FAM135B: variants seen among roughly 807,000 people sequenced by gnomAD.
FAM135B encodes protein FAM135B.
In FAM135B, 43 loss-of-function variants were observed where a neutral mutation model predicts 127.7. The observed-to-expected ratio is 0.34, with a 90% CI of 0.26 to 0.43. The LOEUF (loss-of-function observed/expected upper bound fraction) is 0.43. FAM135B is among the 20% of genes least tolerant of loss of function. FAM135B has a pLI of 1.00. For synonymous variants in FAM135B, 670 were observed against 665.1 expected (o/e 1.01, Z -0.11); for missense variants, 1,558 against 1,725.6 (o/e 0.90, Z 1.72).
At chr8:138,225,503 A>C (rs1819355468) in intron 7 of FAM135B, among the ~76,000 whole-genome samples, 1 of 151,994 alleles carries the variant, frequency 6.6e-6, no homozygotes, top group African/African-American at 2.4e-5. Flanking sequence ...GAAGAAAAAG[A>C]AAAAAACTTT....
intron 7 of FAM135B, among the ~76,000 whole-genome samples, chr8:138,199,155 C>T (rs190391113): frequency 7.9e-5 from 12 of 152,216 alleles, no homozygotes; most frequent in East Asian, 1.9e-4. Flanking sequence ...CTCCTGGAGT[C>T]GACACACGTC....
At chr8:138,462,893 T>C (rs1837206126) in intron 1 of FAM135B, among the ~76,000 whole-genome samples, 1 of 152,220 alleles carries the variant, frequency 6.6e-6, no homozygotes, top group South Asian at 2.1e-4. Flanking sequence ...ACGACTTCTC[T>C]GATGTTTCTG....
intron 3 of FAM135B, among the ~76,000 whole-genome samples, chr8:138,306,305 C>T (rs967294265): frequency 3.9e-5 from 6 of 151,908 alleles, no homozygotes; most frequent in Admixed American, 1.3e-4. Flanking sequence ...CATGGTGGCA[C>T]ACACCTGTAA....
At chr8:138,349,972 T>G (rs1829668720) in intron 2 of FAM135B, among the ~76,000 whole-genome samples, 1 of 152,180 alleles carries the variant, frequency 6.6e-6, no homozygotes, top group Admixed American at 6.5e-5. Context: ...TACACACAAT[T>G]TTTTGTCCAC....
chr8:138,460,152 C>T (rs1837040210), intron 1 of FAM135B, among the ~76,000 whole-genome samples: 1 of 152,144 alleles, frequency 6.6e-6, no homozygotes. Context: ...TTATCCATTC[C>T]ACTCATTATC....
chr8:138,391,355 A>C (rs1832563861), intron 1 of FAM135B, among the ~76,000 whole-genome samples: 1 of 151,290 alleles, frequency 6.6e-6, no homozygotes, highest in Non-Finnish European at 1.5e-5. Context: ...CTCCAGCATG[A>C]TCTCCCCTCA....
chr8:138,396,784 C>T (rs1038750932), intron 1 of FAM135B, among the ~76,000 whole-genome samples: 3 of 152,118 alleles, frequency 2.0e-5, no homozygotes, highest in Non-Finnish European at 4.4e-5. Flanking sequence ...CCCATCTCCC[C>T]ACGCACAGAG....
intron 7 of FAM135B, among the ~76,000 whole-genome samples, chr8:138,216,402 A>C (rs1001544488): frequency 2.6e-5 from 4 of 152,108 alleles, no homozygotes; most frequent in African/African-American, 9.7e-5. Context: ...TTATAGCATG[A>C]AGGCAGACAT....
At chr8:138,406,712 G>A (rs188942900) in intron 1 of FAM135B, among the ~76,000 whole-genome samples, 12 of 150,258 alleles carry the variant, frequency 8.0e-5, no homozygotes, top group East Asian at 5.9e-4. Flanking sequence ...TTCAACAACC[G>A]TTCATGCTAA....
intron 11 of FAM135B, among the ~76,000 whole-genome samples, chr8:138,169,950 A>G (rs1820281841): frequency 6.6e-6 from 1 of 152,200 alleles, no homozygotes; most frequent in African/African-American, 2.4e-5. Flanking sequence ...AAGTGTTGAA[A>G]AACTGACTGA....
rs1028082378 is a variant in FAM135B at position 138,478,658 on chromosome 8, G to A, written c.-20+18013C>T. On this transcript the variant is annotated intron_variant, in intron 1 of 19. Transcript: ENST00000395297. The stretch of plus-strand genomic sequence containing the variant: ...TGGTGACCCTGATCTCTAACTCTAC[G>A]GATAAAATTGGGATGGCACTAGGTT... Among the ~76,000 whole-genome samples the A allele has an allele frequency of 2.6e-5, 4 of 152,166 alleles. No individual in the cohort carries two copies. In the East Asian group the frequency reaches 7.7e-4, roughly 29 times the overall value.
intron 2 of FAM135B, among the ~76,000 whole-genome samples, chr8:138,347,877 A>G (rs1250086100): frequency 6.6e-6 from 1 of 152,120 alleles, no homozygotes; most frequent in Non-Finnish European, 1.5e-5. Flanking sequence ...CTTACCTACA[A>G]AACGGAGGTA....
At chr8:138,392,015 C>A (rs1350207747) in intron 1 of FAM135B, among the ~76,000 whole-genome samples, 1 of 152,172 alleles carries the variant, frequency 6.6e-6, no homozygotes, top group Non-Finnish European at 1.5e-5. Flanking sequence ...GCACCTAGCT[C>A]ATGAGGTAGG....
intron 10 of FAM135B, among the ~76,000 whole-genome samples, 170 bp from the exon 11 acceptor site, chr8:138,177,590 A>ATC (rs1286268032): frequency 2.0e-5 from 3 of 152,106 alleles, no homozygotes; most frequent in African/African-American, 7.2e-5. Context: ...CTCCAAACTG[A>ATC]TCTCTCTCCT....
intron 1 of FAM135B, among the ~76,000 whole-genome samples, chr8:138,390,924 A>G (rs1832532615): frequency 6.6e-6 from 1 of 152,162 alleles, no homozygotes; most frequent in Non-Finnish European, 1.5e-5. Context: ...ATAGGAAGCA[A>G]CTGTTTACCG....
chr8:138,350,293 T>C (rs1829688617), intron 2 of FAM135B, among the ~76,000 whole-genome samples: 1 of 152,100 alleles, frequency 6.6e-6, no homozygotes, highest in Non-Finnish European at 1.5e-5. Flanking sequence ...AAGTCAACAT[T>C]CCCATGCCGT....
At chr8:138,138,051 C>T (rs768245261) in intron 18 of FAM135B, among the ~76,000 whole-genome samples, 2 of 152,150 alleles carry the variant, frequency 1.3e-5, no homozygotes, top group Non-Finnish European at 2.9e-5. Context: ...AATACATGGG[C>T]GAGGAAGACA....
At chr8:138,170,850 C>T (rs543510392) in intron 11 of FAM135B, among the ~76,000 whole-genome samples, 1 of 152,076 alleles carries the variant, frequency 6.6e-6, no homozygotes, top group African/African-American at 2.4e-5. Flanking sequence ...TGGCACCATC[C>T]AATTAGTTGG....
At chr8:138,291,846 T>G (rs918801902) in intron 3 of FAM135B, among the ~76,000 whole-genome samples, 1 of 152,182 alleles carries the variant, frequency 6.6e-6, no homozygotes, top group Admixed American at 6.5e-5. Context: ...GCTGAAAGCT[T>G]TTCCTCTAAG....
Sources: gnomAD v4.1 joint callset for allele counts (sites outside exome capture counted in the v4.1 genomes callset) on GRCh38, gnomAD v4.1.1 for gene constraint, MANE v1.5 for transcripts, NCBI Gene and HGNC (gene_info 2026-07-23, HGNC 2026-07-21) for gene names.